Variants in MAP3K7 observed in about 807,000 individuals in gnomAD.
The protein encoded by MAP3K7 is mitogen-activated protein kinase kinase kinase 7, also known as TGF-beta activated kinase 1.
In MAP3K7, 21 loss-of-function variants were observed where a neutral mutation model predicts 84.8. The ratio of observed to expected loss-of-function variants is 0.25; its 90% CI spans 0.18 to 0.36. The LOEUF is 0.36. MAP3K7 is among the 10% of genes least tolerant of loss of function. The pLI, the probability that MAP3K7 is intolerant of heterozygous loss-of-function variation, is 1.00. For missense variants in MAP3K7, 503 were observed against 747.7 expected (o/e 0.67, Z 3.82); for synonymous variants, 241 against 247.7 (o/e 0.97, Z 0.25).
intron 3 of MAP3K7, among the ~76,000 whole-genome samples, chr6:90,564,202 A>G (rs1776621280): frequency 2.0e-5 from 3 of 152,238 alleles, no homozygotes; most frequent in African/African-American, 7.2e-5. Context: ...TGACAGGATC[A>G]AATTCACACA....
At chr6:90,576,287 G>A (rs985245284) in intron 1 of MAP3K7, among the ~76,000 whole-genome samples, 2 of 151,896 alleles carry the variant, frequency 1.3e-5, no homozygotes, top group Non-Finnish European at 2.9e-5. Context: ...ACGGGGCGTG[G>A]TGGCAGGCAC....
intron 11 of MAP3K7, among the ~76,000 whole-genome samples, 178 bp from the exon 12 acceptor site, chr6:90,544,810 G>A (rs1775954315): frequency 6.6e-6 from 1 of 152,012 alleles, no homozygotes; most frequent in African/African-American, 2.4e-5. Flanking sequence ...AGATTAAAGA[G>A]CAAACAACTA....
intron 8 of MAP3K7, 101 bp downstream of exon 8, chr6:90,551,948 T>C: frequency 1.5e-6 from 2 of 1,299,148 alleles, no homozygotes; most frequent in Non-Finnish European, 2.1e-6. Flanking sequence ...TAGCAATATA[T>C]AAAGCAGAAT....
At chr6:90,561,008 T>C (rs961084081) in intron 4 of MAP3K7, among the ~76,000 whole-genome samples, 11 of 152,142 alleles carry the variant, frequency 7.2e-5, no homozygotes, top group Admixed American at 7.2e-4. Context: ...ATCACAATGA[T>C]GAACACATGG....
At chr6:90,558,662 A>G (rs1776412463) in intron 5 of MAP3K7, among the ~76,000 whole-genome samples, 1 of 152,206 alleles carries the variant, frequency 6.6e-6, no homozygotes, top group Admixed American at 6.5e-5. Context: ...GATTAAATAA[A>G]CCTAAAATTC....
chr6:90,571,557 A>T (rs1014286879), intron 2 of MAP3K7, 140 bp downstream of exon 2: 20 of 466,308 alleles, frequency 4.3e-5, no homozygotes, highest in East Asian at 1.0e-4. Flanking sequence ...TTCCTATGGC[A>T]GTACCTTTGA....
chr6:90,565,787 T>C (rs1037233366), intron 3 of MAP3K7, among the ~76,000 whole-genome samples: 1 of 152,146 alleles, frequency 6.6e-6, no homozygotes, highest in Non-Finnish European at 1.5e-5. Context: ...CCAATATCCC[T>C]GATGAACATC....
intron 12 of MAP3K7, among the ~76,000 whole-genome samples, chr6:90,538,612 C>T (rs1179915243): frequency 6.6e-6 from 1 of 151,868 alleles, no homozygotes; most frequent in Non-Finnish European, 1.5e-5. Context: ...TCTAAGAATA[C>T]ATCACATTGC....
chr6:90,518,503 T>G lies in MAP3K7; in HGVS notation c.1584A>C (p.Lys528Asn). The change falls in exon 16 of 17, where the codon AAA (lysine) becomes AAC (asparagine). Residue 528 changes from lysine (K) to asparagine (N), a missense_variant. Around this residue, in one of 5 missense-constraint regions of MAP3K7, gnomAD observed 36 missense variants for 74.5 expected, o/e 0.48. Coordinates refer to ENST00000369329, the MANE Select transcript of MAP3K7 (RefSeq NM_145331.3). Reference sequence around the variant, plus strand: ...GAACTTTCATATATTCTTGTGCCATTTTACAATGCTGTTCAAACACTGCCA... The same window carrying G: ...GAACTTTCATATATTCTTGTGCCATGTTACAATGCTGTTCAAACACTGCCA... Reference protein sequence around the residue: ...ESMAVFEQHCKMAQEYMKVQT... With the variant: ...ESMAVFEQHCNMAQEYMKVQT... 6.2e-7 allele frequency: 1 copy of G among 1,609,554 alleles called. No individual in the cohort carries two copies. Among genetic ancestry groups the G allele is most frequent in the East Asian group, 2.2e-5 (1 of 44,706 alleles).
intron 1 of MAP3K7, among the ~76,000 whole-genome samples, chr6:90,576,211 C>T (rs1777070347): frequency 6.6e-6 from 1 of 152,032 alleles, no homozygotes; most frequent in Non-Finnish European, 1.5e-5. Context: ...ATCACGAGGT[C>T]AGGAGATTGA....
chr6:90,568,224 A>T (rs1776777355), intron 3 of MAP3K7, among the ~76,000 whole-genome samples: 1 of 152,160 alleles, frequency 6.6e-6, no homozygotes, highest in South Asian at 2.1e-4. Context: ...AAAAAAAGAT[A>T]TCAAAAACAA....
intron 1 of MAP3K7, among the ~76,000 whole-genome samples, chr6:90,585,506 A>G (rs1419385420): frequency 6.6e-6 from 1 of 152,238 alleles, no homozygotes; most frequent in Non-Finnish European, 1.5e-5. Flanking sequence ...TATATAACGC[A>G]AAGTGCTTAA....
At chr6:90,548,329 C>T in intron 9 of MAP3K7, 152 bp from the exon 10 acceptor site, 1 of 643,926 alleles carries the variant, frequency 1.6e-6, no homozygotes, top group Non-Finnish European at 2.4e-6. Flanking sequence ...CCAAACAAAC[C>T]CATTTTAAGA....
intron 3 of MAP3K7, among the ~76,000 whole-genome samples, chr6:90,566,021 T>G (rs889520707): frequency 6.6e-6 from 1 of 152,180 alleles, no homozygotes; most frequent in African/African-American, 2.4e-5. Context: ...CAGCCCTTCA[T>G]GCTAAAAACT....
chr6:90,562,217 C>T (rs1776542616), intron 3 of MAP3K7, among the ~76,000 whole-genome samples: 1 of 152,210 alleles, frequency 6.6e-6, no homozygotes, highest in Non-Finnish European at 1.5e-5. Flanking sequence ...GTTCATCTCA[C>T]TGGGGCTTGT....
rs186381851 is a variant in MAP3K7 at position 90,532,515 on chromosome 6, G to C, written c.1356+3822C>G. ...AAAGTCACATATTTGACTAGTAAAA[G>C]TAGATTATAAAGTCCATATGGAAAT... On this transcript the variant is annotated intron_variant, in intron 13 of 16. Coordinates refer to ENST00000369329, the MANE Select transcript of MAP3K7 (RefSeq NM_145331.3). 1.2e-3 allele frequency among the ~76,000 whole-genome samples: 178 copies of C among 152,278 alleles called. 1 individual carries two copies. Among genetic ancestry groups the C allele is most frequent in the African/African-American group, 4.1e-3 (169 of 41,544 alleles).
In MAP3K7 at chr6:90,569,984, C is replaced by T. The variant is rs981772421; in HGVS notation, c.232-1361G>A. On this transcript the variant is annotated intron_variant, in intron 2 of 16. Coordinates refer to ENST00000369329, the MANE Select transcript of MAP3K7 (RefSeq NM_145331.3). ...AAAAGCTCTATCTATCTAGAGCCAA[C>T]ATGTGTGGATTTTTCGTCCAATAGA... Among the ~76,000 whole-genome samples, 3 of 152,080 alleles carry T rather than the reference C, an allele frequency of 2.0e-5. No individual in the cohort carries two copies. In the South Asian group the frequency reaches 6.2e-4, roughly 31 times the overall value.
intron 11 of MAP3K7, 76 bp from the exon 12 acceptor site, chr6:90,544,708 T>C (rs35937919): frequency 9.4e-6 from 11 of 1,173,866 alleles, no homozygotes; most frequent in African/African-American, 4.5e-5. Flanking sequence ...ACTACAAAAA[T>C]AGACTCATTT....
At chr6:90,525,910 A>G (rs1388219464) in intron 13 of MAP3K7, among the ~76,000 whole-genome samples, 1 of 152,020 alleles carries the variant, frequency 6.6e-6, no homozygotes, top group African/African-American at 2.4e-5. Flanking sequence ...CACATAAAGT[A>G]AAAAAGCTCA....
Sources: gnomAD v4.1 joint callset for allele counts (sites outside exome capture counted in the v4.1 genomes callset) on GRCh38, gnomAD v4.1.1 for gene constraint, gnomAD v4.1.1 regional missense constraint, MANE v1.5 for transcripts, NCBI Gene and HGNC (gene_info 2026-07-23, HGNC 2026-07-21) for gene names.